STK39: variants seen among roughly 807,000 people sequenced by gnomAD.
STK39 encodes the protein serine/threonine kinase 39.
Under a neutral mutation model 77.8 loss-of-function variants are expected in STK39, and 20 were observed. The ratio of observed to expected loss-of-function variants is 0.26; its 90% CI spans 0.18 to 0.37. STK39 has a LOEUF of 0.37. STK39 is among the 10% of genes least tolerant of loss of function. The pLI, the probability that STK39 is intolerant of heterozygous loss-of-function variation, is 1.00. For missense variants in STK39, 479 were observed against 656.5 expected, an observed-to-expected ratio of 0.73 and a Z score of 2.95; for synonymous variants, 246 against 234.1, an observed-to-expected ratio of 1.05 and a Z score of -0.47.
chr2:168,193,514 G>A (rs1048566416), intron 1 of STK39, among the ~76,000 whole-genome samples: 5 of 152,210 alleles, frequency 3.3e-5, no homozygotes, highest in Non-Finnish European at 7.3e-5. Flanking sequence ...TGAAGGGCAC[G>A]GAACACCTGC....
chr2:168,088,401 G>A (rs937494258), intron 10 of STK39, among the ~76,000 whole-genome samples: 1 of 152,118 alleles, frequency 6.6e-6, no homozygotes, highest in Non-Finnish European at 1.5e-5. Context: ...CAAGGACCAA[G>A]TCAAGTCTAT....
At chr2:168,103,078 G>A (rs2105454878) in intron 10 of STK39, among the ~76,000 whole-genome samples, 1 of 152,080 alleles carries the variant, frequency 6.6e-6, no homozygotes, top group Admixed American at 6.6e-5. Context: ...ACTGGCTCAG[G>A]GTCACATCTG....
chr2:168,239,066 T>C (rs1016680022), intron 1 of STK39, among the ~76,000 whole-genome samples: 5 of 152,160 alleles, frequency 3.3e-5, no homozygotes, highest in African/African-American at 1.2e-4. Flanking sequence ...ATCATGTCAG[T>C]CCCTTATAAG....
In STK39 at chr2:168,140,292, C is replaced by T. The variant is rs763308836; in HGVS notation, c.837G>A (p.Met279Ile). Residue 279 changes from methionine to isoleucine, a missense_variant, in exon 7 of 18, where the codon ATG becomes ATA. Transcript: ENST00000355999. ...GAAPYHKYPPMKVLMLTLQND... is the reference protein window; with the variant it reads ...GAAPYHKYPPIKVLMLTLQND... ...TAGTATTTCCAATTGTAATTACTTTCATGGGAGGATATTTGTGATAAGGCG... is the reference window on the plus strand; with the variant it reads ...TAGTATTTCCAATTGTAATTACTTTTATGGGAGGATATTTGTGATAAGGCG... The T allele has an allele frequency of 3.1e-6, 5 of 1,612,548 alleles. No individual in the cohort carries two copies. The highest frequency in any genetic ancestry group is 4.2e-6 in the Non-Finnish European group (5 of 1,178,712).
chr2:168,163,949 T>G, intron 3 of STK39, 69 bp from the exon 4 acceptor site: 4 of 1,534,506 alleles, frequency 2.6e-6, no homozygotes, highest in Non-Finnish European at 3.5e-6. Context: ...GACTCCATTA[T>G]GTATAAAATT....
chr2:168,213,481 T>C (rs190775536), intron 1 of STK39, among the ~76,000 whole-genome samples: 4 of 151,884 alleles, frequency 2.6e-5, no homozygotes, highest in African/African-American at 4.8e-5. Flanking sequence ...AAAAAATATA[T>C]AGAGGACCAG....
chr2:168,215,029 G>C (rs539277484), intron 1 of STK39, among the ~76,000 whole-genome samples: 12 of 152,286 alleles, frequency 7.9e-5, no homozygotes, highest in African/African-American at 2.9e-4. Context: ...GATGTACCAT[G>C]ATCCATGTGT....
intron 5 of STK39, among the ~76,000 whole-genome samples, chr2:168,145,041 T>C (rs4668023): frequency 0.41 from 61,528 of 151,132 alleles, 13,772 homozygotes; most frequent in East Asian, 0.68. Flanking sequence ...TCAAATACTA[T>C]ATTGTCTGTG....
At chr2:168,166,917 G>A (rs983835390) in intron 3 of STK39, among the ~76,000 whole-genome samples, 1 of 152,056 alleles carries the variant, frequency 6.6e-6, no homozygotes, top group Middle Eastern at 3.2e-3. Context: ...AAGAGTAAGC[G>A]GTGACTGTGG....
chr2:168,146,901 T>A (rs569769083), intron 5 of STK39, among the ~76,000 whole-genome samples: 2 of 152,230 alleles, frequency 1.3e-5, no homozygotes, highest in East Asian at 3.9e-4. Context: ...GATATTGGAA[T>A]TAAGAAAAGA....
At chr2:168,214,671 G>A (rs919746751) in intron 1 of STK39, among the ~76,000 whole-genome samples, 2 of 152,122 alleles carry the variant, frequency 1.3e-5, no homozygotes, top group Non-Finnish European at 2.9e-5. Context: ...ATAATAACAT[G>A]TTTTACAAGA....
chr2:168,062,456 ACTT>A (rs1685688685), intron 14 of STK39, among the ~76,000 whole-genome samples: 1 of 152,216 alleles, frequency 6.6e-6, no homozygotes, highest in South Asian at 2.1e-4. Context: ...TGATAATTTC[ACTT>A]CTTAACTCTG....
chr2:168,204,866 A>G (rs1689701361), intron 1 of STK39, among the ~76,000 whole-genome samples: 2 of 152,298 alleles, frequency 1.3e-5, no homozygotes, highest in South Asian at 4.1e-4. Flanking sequence ...ACCCAACAAA[A>G]TACTCTCCGC....
intron 14 of STK39, among the ~76,000 whole-genome samples, chr2:168,041,950 C>T (rs1291085247): frequency 2.0e-5 from 3 of 152,126 alleles, no homozygotes; most frequent in Non-Finnish European, 4.4e-5. Context: ...ATAGAAAGAA[C>T]CAAGAGATAA....
chr2:168,246,718 C>T (rs1041499478), intron 1 of STK39, among the ~76,000 whole-genome samples: 3 of 152,154 alleles, frequency 2.0e-5, no homozygotes, highest in Non-Finnish European at 4.4e-5. Context: ...TCTACGTGGC[C>T]CCGTTACCCA....
chr2:168,127,144 T>A (rs1687564043), intron 10 of STK39, among the ~76,000 whole-genome samples: 1 of 152,132 alleles, frequency 6.6e-6, no homozygotes, highest in African/African-American at 2.4e-5. Flanking sequence ...AAGTTTTTTG[T>A]TGTTGTTTGT....
chr2:167,996,851 G>T (rs1249879215), intron 16 of STK39, among the ~76,000 whole-genome samples: 3 of 151,900 alleles, frequency 2.0e-5, no homozygotes, highest in African/African-American at 7.3e-5. Flanking sequence ...CAGAGCAAAG[G>T]GTGAGCCTGA....
intron 17 of STK39, among the ~76,000 whole-genome samples, chr2:167,956,724 TC>T (rs1691790857): frequency 3.8e-5 from 2 of 52,416 alleles, no homozygotes; most frequent in Non-Finnish European, 8.2e-5. Flanking sequence ...TCTCTCTCTC[TC>T]TCTCCCCCCC....
At chr2:168,016,407 AAAAAAAC>A (rs1437400790) in intron 15 of STK39, among the ~76,000 whole-genome samples, 1 of 150,752 alleles carries the variant, frequency 6.6e-6, no homozygotes, top group African/African-American at 2.4e-5. Flanking sequence ...AAAAAAAAAA[AAAAAAAC>A]AACACTACTG....
Sources: gnomAD v4.1 joint callset for allele counts (sites outside exome capture counted in the v4.1 genomes callset) on GRCh38, gnomAD v4.1.1 for gene constraint, MANE v1.5 for transcripts, NCBI Gene and HGNC (gene_info 2026-07-23, HGNC 2026-07-21) for gene names.